The following LPIN1 variants were observed in gnomAD, a reference collection of about 807,000 sequenced individuals.
The protein encoded by LPIN1 is phosphatidate phosphatase LPIN1.
In LPIN1, 71 loss-of-function variants were observed where a neutral mutation model predicts 107.5. The observed-to-expected ratio is 0.66, with a 90% CI of 0.55 to 0.80. LPIN1 has a LOEUF of 0.80. Among genes scored for constraint, LPIN1 ranks in the 30% least tolerant of loss-of-function variants. The probability of loss-of-function intolerance (pLI) is 0.00; values close to 1 mark genes in which losing one functional copy is unlikely to be tolerated. For synonymous variants in LPIN1, 445 were observed against 452.6 expected (o/e 0.98, Z 0.21); for missense variants, 1,043 against 1,160.6 (o/e 0.90, Z 1.47).
rs34156190 is a variant in LPIN1 at position 11,752,433 on chromosome 2, A to ATTTTTTTTTTTTTTTTTTTTTTTT, written c.-10+5778_-10+5779insTTTTTTTTTTTTTTTTTTTTTTTT. Reference sequence around the variant, plus strand: ...TTTTCTTTTGAGCTGTTCCAAGGCCATTTTTTTTTTTTTTTTGAGACGGAG... The same window carrying ATTTTTTTTTTTTTTTTTTTTTTTT: ...TTTTCTTTTGAGCTGTTCCAAGGCCATTTTTTTTTTTTTTTTTTTTTTTTTTTTTTTTTTTTTTTTGAGACGGAG... On this transcript the variant is annotated intron_variant, in intron 1 of 20. Coordinates refer to ENST00000674199, the MANE Select transcript of LPIN1 (RefSeq NM_001349206.2). 2.5e-4 allele frequency among the ~76,000 whole-genome samples: 26 copies of ATTTTTTTTTTTTTTTTTTTTTTTT among 103,864 alleles called. 6 individuals carry two copies. Among genetic ancestry groups the ATTTTTTTTTTTTTTTTTTTTTTTT allele is most frequent in the African/African-American group, 1.5e-3 (26 of 17,696 alleles). 68.1% of individuals were successfully genotyped at this position (103,864 alleles called of 152,430 possible). A position where few individuals can be genotyped will look rare whatever the true frequency, so the allele number is the denominator to read the frequency against.
At chr2:11,751,212 TGA>T (rs1667737615) in intron 1 of LPIN1, among the ~76,000 whole-genome samples, 1 of 152,116 alleles carries the variant, frequency 6.6e-6, no homozygotes, top group Non-Finnish European at 1.5e-5. Context: ...AGGAGCTGAG[TGA>T]TCACTCATCT....
chr2:11,708,634 G>C (rs1039004079), intron 1 of LPIN1, among the ~76,000 whole-genome samples: 2 of 152,166 alleles, frequency 1.3e-5, no homozygotes, highest in Non-Finnish European at 2.9e-5. Context: ...AGGCACAGGA[G>C]ATGGAGACCA....
intron 17 of LPIN1, among the ~76,000 whole-genome samples, chr2:11,814,511 C>T (rs868138424): frequency 1.4e-3 from 129 of 94,930 alleles, no homozygotes; most frequent in African/African-American, 5.3e-3. Flanking sequence ...GGTGTGTGTG[C>T]ATGTGTGTGT....
intron 1 of LPIN1, among the ~76,000 whole-genome samples, chr2:11,684,473 C>T (rs1661892695): frequency 6.6e-6 from 1 of 152,222 alleles, no homozygotes; most frequent in East Asian, 1.9e-4. Flanking sequence ...CCACTGTGCC[C>T]AACTCTCTTG....
At chr2:11,790,946 T>G (rs1223701626) in intron 12 of LPIN1, among the ~76,000 whole-genome samples, 1 of 152,214 alleles carries the variant, frequency 6.6e-6, no homozygotes, top group Non-Finnish European at 1.5e-5. Context: ...AAAATACTCC[T>G]GTTTGTTTTT....
chr2:11,724,438 G>C, exon 1 of LPIN1: 1 of 985,858 alleles, frequency 1.0e-6, no homozygotes, highest in Non-Finnish European at 1.2e-6. Context: ...GGGCAAGACC[G>C]GGGCCAGCCA....
At chr2:11,760,994 GTC>G (rs1669736321) in intron 1 of LPIN1, among the ~76,000 whole-genome samples, 1 of 152,180 alleles carries the variant, frequency 6.6e-6, no homozygotes, top group African/African-American at 2.4e-5. Flanking sequence ...AATGGGGCGT[GTC>G]AATCCAGAGA....
At chr2:11,767,135 A>C (rs1255710232) in intron 2 of LPIN1, among the ~76,000 whole-genome samples, 2 of 152,228 alleles carry the variant, frequency 1.3e-5, no homozygotes, top group Non-Finnish European at 2.9e-5. Context: ...GAAAGAAACA[A>C]ATCCTTGCAA....
intron 1 of LPIN1, among the ~76,000 whole-genome samples, chr2:11,685,178 C>G (rs1661938750): frequency 6.6e-6 from 1 of 152,128 alleles, no homozygotes; most frequent in South Asian, 2.1e-4. Context: ...TGAGCGGAGG[C>G]CTCAGGAGGT....
At chr2:11,791,033 A>G (rs940992407) in intron 12 of LPIN1, among the ~76,000 whole-genome samples, 1 of 152,158 alleles carries the variant, frequency 6.6e-6, no homozygotes, top group Admixed American at 6.5e-5. Flanking sequence ...TAGGGGAAAT[A>G]GGGTCATTCA....
intron 1 of LPIN1, among the ~76,000 whole-genome samples, chr2:11,731,617 AT>A (rs1665241325): frequency 6.6e-6 from 1 of 152,156 alleles, no homozygotes; most frequent in Admixed American, 6.5e-5. Flanking sequence ...GTCAAATGGT[AT>A]TTCTGGTTGT....
At chr2:11,776,038 CCT>C in intron 5 of LPIN1, 46 bp from the exon 6 acceptor site, 1 of 958,478 alleles carries the variant, frequency 1.0e-6, no homozygotes, top group East Asian at 2.7e-5. Flanking sequence ...ATGTAATTGA[CCT>C]CTGATTTTGT....
chr2:11,812,086 CTT>C (rs1558291652), intron 17 of LPIN1, among the ~76,000 whole-genome samples: 1 of 152,190 alleles, frequency 6.6e-6, no homozygotes, highest in Non-Finnish European at 1.5e-5. Flanking sequence ...TGTCTTAAAA[CTT>C]TCTCATTTCT....
chr2:11,813,565 A>G (rs1285644704), intron 17 of LPIN1, among the ~76,000 whole-genome samples: 2 of 152,170 alleles, frequency 1.3e-5, no homozygotes, highest in African/African-American at 4.8e-5. Flanking sequence ...AACTTGGTAT[A>G]TATTTTATAC....
chr2:11,754,458 G>A (rs563757866), intron 1 of LPIN1, among the ~76,000 whole-genome samples: 1 of 152,338 alleles, frequency 6.6e-6, no homozygotes, highest in South Asian at 2.1e-4. Context: ...CCAGGAGGGT[G>A]TTTCGGCCTT....
In LPIN1 at chr2:11,791,955, G is replaced by C; in HGVS notation, c.1755G>C (p.Lys585Asn). The change falls in exon 13 of 21, where the codon AAG becomes AAC. Residue 585 changes from lysine (K) to asparagine (N), a missense_variant. Transcript: ENST00000674199. ...ESIMRDKMPK[K>N]GGRWWFSWRG... is the part of the protein sequence containing the mutation. ...TCATGAGGGATAAAATGCCCAAAAA[G>C]GGAGGAAGATGGTGGTTTTCATGGA... 1 of 1,614,036 alleles carries C rather than the reference G, an allele frequency of 6.2e-7. No individual in the cohort carries two copies.
rs777208329 is a variant in LPIN1, at chr2:11,765,854, C to G, written c.192+121C>G. 1 of 810,700 alleles carries G rather than the reference C, an allele frequency of 1.2e-6. No homozygotes were observed. Among genetic ancestry groups the G allele is most frequent in the Non-Finnish European group, 1.9e-6 (1 of 520,156 alleles). The allele number at this position is 810,700 out of a possible 1,614,324, so 50.2% of individuals were successfully genotyped here. ...AGTTTTAGGTCTTCGTTGGAAATGG[C>G]CAGTCACGGAACTGACAGTGACTAA... On this transcript the variant is annotated intron_variant, in intron 2 of 20. Coordinates refer to ENST00000674199, the MANE Select transcript of LPIN1 (RefSeq NM_001349206.2). The surrounding 1 kb of genome is among the most constrained non-coding windows in gnomAD (Gnocchi z 4.4).
At chr2:11,698,270 G>A (rs904367416) in intron 1 of LPIN1, among the ~76,000 whole-genome samples, 9 of 152,246 alleles carry the variant, frequency 5.9e-5, no homozygotes, top group African/African-American at 2.2e-4. Flanking sequence ...GCTGCAGGTT[G>A]CAGCTGTCTC....
chr2:11,736,079 T>C (rs1340860701), intron 1 of LPIN1, among the ~76,000 whole-genome samples: 2 of 152,194 alleles, frequency 1.3e-5, no homozygotes, highest in African/African-American at 4.8e-5. Flanking sequence ...GGGTTCCAGT[T>C]TCTATGGCTG....
Sources: gnomAD v4.1 joint callset for allele counts (sites outside exome capture counted in the v4.1 genomes callset) on GRCh38, gnomAD v4.1.1 for gene constraint, Gnocchi (gnomAD v3.1) non-coding constraint, MANE v1.5 for transcripts, NCBI Gene and HGNC (gene_info 2026-07-23, HGNC 2026-07-21) for gene names.